Variants in NBPF3 observed in about 807,000 individuals in gnomAD.
The protein encoded by NBPF3 is NBPF family member NBPF3.
A neutral mutation model predicts 78.1 loss-of-function variants in NBPF3; 57 were observed. The observed-to-expected ratio is 0.73, with a 90% confidence interval of 0.59 to 0.91. The LOEUF is 0.91. Among genes scored for constraint, NBPF3 ranks in the 40% least tolerant of loss-of-function variants. The pLI, the probability that NBPF3 is intolerant of heterozygous loss-of-function variation, is 0.00. For synonymous variants in NBPF3, 182 were observed against 271.7 expected, an observed-to-expected ratio of 0.67 and a Z score of 3.25; for missense variants, 510 against 715.3, an observed-to-expected ratio of 0.71 and a Z score of 3.27.
rs773325246 is a variant in NBPF3, at chr1:21,483,248, C to G, written c.1764C>G (p.Phe588Leu). The change falls in exon 15 of 15, where the codon TTC becomes TTG. Residue 588 changes from phenylalanine (F) to leucine (L), a missense_variant. By Grantham distance (22) the Phe-to-Leu change is conservative (BLOSUM62 0). This residue lies in a region of NBPF3 where 18 missense variants were observed against 65.2 expected (regional missense o/e 0.28). Coordinates refer to ENST00000318249, the MANE Select transcript of NBPF3 (RefSeq NM_032264.6). Reference sequence around the variant, plus strand: ...CTTACTTTCAACTACATGCCTCATTCCAGCAGTATAGAAGTGCCTTTTACT... The same window carrying G: ...CTTACTTTCAACTACATGCCTCATTGCAGCAGTATAGAAGTGCCTTTTACT... ...TSTYFQLHAS[F>L]QQYRSAFYSF... 7.0e-7 allele frequency: 1 copy of G among 1,423,014 alleles called. No homozygotes were observed. The highest frequency in any genetic ancestry group is 9.4e-7 in the Non-Finnish European group (1 of 1,062,190). The allele number at this position is 1,423,014 out of a possible 1,614,324, so 88.1% of individuals were successfully genotyped here. A position where few individuals can be genotyped will look rare whatever the true frequency, so the allele number is the denominator to read the frequency against.
intron 2 of NBPF3, among the ~76,000 whole-genome samples, chr1:21,455,535 A>T (rs1311814768): frequency 6.6e-6 from 1 of 152,250 alleles, no homozygotes; most frequent in African/African-American, 2.4e-5. Context: ...CAGGCAGTAC[A>T]ACAGAAAACT....
chr1:21,468,742 C>T lies in NBPF3; in HGVS notation c.188C>T (p.Pro63Leu), dbSNP rs1358984411. The T allele has an allele frequency of 1.9e-6, 3 of 1,613,626 alleles. No homozygotes were observed. The highest frequency in any genetic ancestry group is 2.5e-6 in the Non-Finnish European group (3 of 1,179,678). ...TNVSMVVSAG[P>L]WSGEKAEMNI... The stretch of plus-strand genomic sequence containing the variant: ...GTCAGCATGGTGGTATCTGCCGGCC[C>T]TTGGTCCGGTGAGAAGGCAGAGATG... The change falls in exon 3 of 15, where the codon CCT (proline) becomes CTT (leucine). Residue 63 changes from proline (P) to leucine (L), a missense_variant. By Grantham distance (98) the Pro-to-Leu change is moderately conservative (BLOSUM62 -3). Around this residue, in one of 5 missense-constraint regions of NBPF3, gnomAD observed 440 missense variants for 478.2 expected, o/e 0.92. Transcript: ENST00000318249.
chr1:21,469,700 G>T (rs895438868), intron 3 of NBPF3, among the ~76,000 whole-genome samples: 1 of 152,166 alleles, frequency 6.6e-6, no homozygotes, highest in African/African-American at 2.4e-5. Flanking sequence ...ACTCCAGCCT[G>T]GGCGATAGGG....
chr1:21,450,926 G>T (rs1214865484), intron 2 of NBPF3, among the ~76,000 whole-genome samples: 2 of 152,206 alleles, frequency 1.3e-5, no homozygotes, highest in Non-Finnish European at 2.9e-5. Context: ...AAGGGATAAA[G>T]AAGTCAATGA....
chr1:21,439,327 A>G (rs1230148520), upstream of NBPF3, among the ~76,000 whole-genome samples: 2 of 152,064 alleles, frequency 1.3e-5, no homozygotes, highest in Non-Finnish European at 2.9e-5. Flanking sequence ...CGTCTCTACT[A>G]AAAATACAAC....
intron 2 of NBPF3, chr1:21,449,749 A>C (rs757229769): frequency 2.2e-4 from 36 of 161,108 alleles, no homozygotes; most frequent in Non-Finnish European, 4.2e-4. Context: ...AGGATTACAG[A>C]CATGAACCAC....
intron 8 of NBPF3, among the ~76,000 whole-genome samples, chr1:21,477,834 T>C (rs1364393997): frequency 6.6e-6 from 1 of 152,190 alleles, no homozygotes; most frequent in Non-Finnish European, 1.5e-5. Flanking sequence ...TTAGACGAAG[T>C]AGTTGAAGCC....
At chr1:21,462,106 C>T (rs1641981553) in intron 2 of NBPF3, among the ~76,000 whole-genome samples, 1 of 152,228 alleles carries the variant, frequency 6.6e-6, no homozygotes. Context: ...CAAGTGGAAG[C>T]AGCCTCAGGC....
intron 9 of NBPF3, among the ~76,000 whole-genome samples, chr1:21,479,092 T>C (rs1053809144): frequency 4.6e-5 from 7 of 152,272 alleles, no homozygotes; most frequent in African/African-American, 1.7e-4. Flanking sequence ...ATTGCTCATT[T>C]GTGTACACAA....
rs1000360648 is a variant in NBPF3, at chr1:21,480,079, G to A, written c.1237G>A (p.Glu413Lys). The A allele has an allele frequency of 2.6e-6, 3 of 1,154,292 alleles. No individual in the cohort carries two copies. Among genetic ancestry groups the A allele is most frequent in the Non-Finnish European group, 3.9e-6 (3 of 760,480 alleles). The allele number at this position is 1,154,292 out of a possible 1,614,324, so 71.5% of individuals were successfully genotyped here. ...RLSRELLDEK[E>K]PEVLQDSLDR... Reference sequence around the variant, plus strand: ...CAGCAGGGAGCTGCTGGATGAGAAAGAGCCTGAAGTCTTGCAGGACTCACT... The same window carrying A: ...CAGCAGGGAGCTGCTGGATGAGAAAAAGCCTGAAGTCTTGCAGGACTCACT... Residue 413 changes from glutamate to lysine, a missense_variant, in exon 11 of 15, where the codon GAG becomes AAG. This residue lies in a region of NBPF3 where 22 missense variants were observed against 59.9 expected (regional missense o/e 0.37). Transcript: ENST00000318249.
intron 1 of NBPF3, among the ~76,000 whole-genome samples, chr1:21,443,487 A>G (rs1007176202): frequency 2.0e-5 from 3 of 152,210 alleles, no homozygotes; most frequent in African/African-American, 7.2e-5. Flanking sequence ...AATTGTTCTT[A>G]GGTATACTTA....
intron 2 of NBPF3, among the ~76,000 whole-genome samples, chr1:21,467,727 A>G (rs941587510): frequency 5.9e-5 from 9 of 152,254 alleles, no homozygotes. Context: ...AGATCTCTAT[A>G]TAAATGATTT....
intron 2 of NBPF3, among the ~76,000 whole-genome samples, chr1:21,458,930 TTCA>T (rs1284504920): frequency 1.3e-5 from 2 of 152,224 alleles, no homozygotes; most frequent in African/African-American, 4.8e-5. Context: ...TAACATTGAT[TTCA>T]TCATCTTAAT....
Position 21,480,042 on chromosome 1 carries a change from C to G in NBPF3, c.1209-9C>G, listed in dbSNP as rs1643120630. ...CCTGGCTTATTCTTTACTTTTCCTA[C>G]TTTTCCAGGCTCAGCAGGGAGCTGC... On this transcript the variant is annotated splice_polypyrimidine_tract_variant and intron_variant, in intron 10 of 14. Transcript: ENST00000318249. 1 of 1,142,958 alleles carries G rather than the reference C, an allele frequency of 8.7e-7. No individual in the cohort carries two copies. Among genetic ancestry groups the G allele is most frequent in the African/African-American group, 1.4e-5 (1 of 69,756 alleles). 70.8% of individuals were successfully genotyped at this position (1,142,958 alleles called of 1,614,324 possible).
At chr1:21,471,222 A>G (rs1642576378) in intron 4 of NBPF3, among the ~76,000 whole-genome samples, 1 of 152,176 alleles carries the variant, frequency 6.6e-6, no homozygotes, top group African/African-American at 2.4e-5. Context: ...TCGCTGCAAG[A>G]TGCACTATGT....
chr1:21,458,969 A>G (rs1172322923), intron 2 of NBPF3, among the ~76,000 whole-genome samples: 1 of 152,262 alleles, frequency 6.6e-6, no homozygotes, highest in Non-Finnish European at 1.5e-5. Flanking sequence ...ATTAGCAGCT[A>G]GAAAATGAAA....
At position 21,484,257 on chromosome 1, in the gene NBPF3, G is replaced by A. The variant is rs543456643; in HGVS notation, c.*871G>A. 1 of 144,382 alleles carries A rather than the reference G, an allele frequency of 6.9e-6. No individual in the cohort carries two copies. The highest frequency in any genetic ancestry group is 7.1e-5 in the Admixed American group (1 of 14,184). 8.9% of individuals were successfully genotyped at this position (144,382 alleles called of 1,614,324 possible). ...CCACGAATCACACAACAAAAAGGAG[G>A]AGAGATATTTTGGGTTCAGAAGAAG... is the stretch of plus-strand genomic sequence containing the variant. On this transcript the variant is annotated 3_prime_UTR_variant, in exon 15 of 15. Coordinates refer to ENST00000318249, the MANE Select transcript of NBPF3 (RefSeq NM_032264.6).
At chr1:21,470,608 G>A (rs766806337) in intron 3 of NBPF3, 24 bp from the exon 4 acceptor site, 1 of 1,553,420 alleles carries the variant, frequency 6.4e-7, no homozygotes, top group Non-Finnish European at 8.8e-7. Flanking sequence ...TTTCACTGAG[G>A]CAGGCGTGTG....
intron 8 of NBPF3, among the ~76,000 whole-genome samples, chr1:21,475,883 C>T (rs1308049516): frequency 6.6e-6 from 1 of 152,120 alleles, no homozygotes; most frequent in Admixed American, 6.5e-5. Context: ...GTTAAAGTCC[C>T]CCATGATTAT....
Sources: allele counts gnomAD v4.1 joint callset (sites outside exome capture counted in the v4.1 genomes callset), GRCh38; gene constraint gnomAD v4.1.1; regional missense constraint gnomAD v4.1.1; transcripts MANE v1.5; gene names NCBI Gene and HGNC (gene_info 2026-07-23, HGNC 2026-07-21).